Variants in PHLDB2 observed in about 807,000 individuals in gnomAD.
PHLDB2 encodes pleckstrin homology like domain family B member 2.
PHLDB2 carries 71 observed loss-of-function variants against 123.6 expected under a neutral mutation model. The ratio of observed to expected loss-of-function variants is 0.57; its 90% confidence interval spans 0.47 to 0.70. The LOEUF (loss-of-function observed/expected upper bound fraction) is 0.70, where lower values mean the gene tolerates loss of function less well. Among genes scored for constraint, PHLDB2 ranks in the 30% least tolerant of loss-of-function variants. The probability of loss-of-function intolerance (pLI) is 0.00; values close to 1 mark genes in which losing one functional copy is unlikely to be tolerated. For synonymous variants in PHLDB2, 547 were observed against 541.6 expected (o/e 1.01, Z -0.14); for missense variants, 1,446 against 1,519.5 (o/e 0.95, Z 0.80).
intron 1 of PHLDB2, among the ~76,000 whole-genome samples, chr3:111,838,047 T>TAAC (rs11468665): frequency 0.16 from 24,351 of 151,028 alleles, 2,076 homozygotes; most frequent in Admixed American, 0.18. Flanking sequence ...GTCTCAAAAA[T>TAAC]AACAACAACA....
chr3:111,800,281 C>T (rs767419430), intron 1 of PHLDB2, among the ~76,000 whole-genome samples: 5 of 152,184 alleles, frequency 3.3e-5, no homozygotes, highest in Non-Finnish European at 7.3e-5. Context: ...GCTGGGATTA[C>T]AGACGTGAGC....
In PHLDB2 at chr3:111,817,708, G is replaced by A. The variant is rs571591869; in HGVS notation, c.-48-28113G>A. ...GTTCCCCAGGTAGACATAGCCCAGC[G>A]TATGAAAATAGGCTCAGAATATCTA... is the stretch of plus-strand genomic sequence containing the variant. On this transcript the variant is annotated intron_variant, in intron 1 of 17. Transcript: ENST00000393923. 1.9e-3 allele frequency among the ~76,000 whole-genome samples: 289 copies of A among 152,238 alleles called. 5 individuals are homozygous for A. The South Asian group carries it at 0.027, about 14-fold the overall frequency.
Position 111,920,206 on chromosome 3 carries a change from A to G in PHLDB2, c.1864-76A>G, listed in dbSNP as rs979565482. 10 of 1,496,702 alleles carry G rather than the reference A, an allele frequency of 6.7e-6. No individual in the cohort carries two copies. The Admixed American group carries it at 2.2e-4, about 32-fold the overall frequency. 92.7% of individuals were successfully genotyped at this position (1,496,702 alleles called of 1,614,324 possible). ...ACTTTTGGAAATTTGTAGCTGTTGC[A>G]AATGTATCTCTAGGGTGGTCAGTTG... On this transcript the variant is annotated intron_variant, in intron 4 of 17. Coordinates refer to ENST00000431670, the MANE Select transcript of PHLDB2 (RefSeq NM_001134438.2).
chr3:111,874,004 A>G (rs1380526203), intron 1 of PHLDB2, among the ~76,000 whole-genome samples: 1 of 152,238 alleles, frequency 6.6e-6, no homozygotes, highest in East Asian at 1.9e-4. Context: ...GTTATAGAAA[A>G]TAATGATTTT....
chr3:111,909,133 A>G lies in PHLDB2; in HGVS notation c.1336-4186A>G, dbSNP rs548994432. 6.6e-5 allele frequency among the ~76,000 whole-genome samples: 10 copies of G among 152,126 alleles called. No homozygotes were observed. In the East Asian group the frequency reaches 1.9e-3, roughly 29 times the overall value. ...GTGCTTTTATGGAAATGCCCTGCCC[A>G]CCCCACTGTCCCAGTAGAGCAGACA... On this transcript the variant is annotated intron_variant, in intron 2 of 17. Transcript: ENST00000431670.
At chr3:111,802,883 T>C (rs886496344) in intron 1 of PHLDB2, among the ~76,000 whole-genome samples, 15 of 152,204 alleles carry the variant, frequency 9.9e-5, no homozygotes, top group Non-Finnish European at 1.3e-4. Flanking sequence ...TTAAAGGTTA[T>C]GGTCCTGCTC....
At chr3:111,755,715 G>C (rs1187130475) in intron 1 of PHLDB2, among the ~76,000 whole-genome samples, 3 of 120,924 alleles carry the variant, frequency 2.5e-5, no homozygotes, top group Non-Finnish European at 4.9e-5. Flanking sequence ...GTTTGCTCTT[G>C]CTTTTCTAGT....
chr3:111,798,346 G>A (rs1301618436), intron 1 of PHLDB2, among the ~76,000 whole-genome samples: 1 of 152,036 alleles, frequency 6.6e-6, no homozygotes, highest in Non-Finnish European at 1.5e-5. Context: ...TCTAAAGAAA[G>A]CAAGGAAATA....
At chr3:111,950,105 TTA>T (rs2070612163) in intron 10 of PHLDB2, among the ~76,000 whole-genome samples, 1 of 152,216 alleles carries the variant, frequency 6.6e-6, no homozygotes, top group African/African-American at 2.4e-5. Context: ...CTACTGGCTT[TTA>T]TATGTTTGAG....
intron 1 of PHLDB2, among the ~76,000 whole-genome samples, chr3:111,748,710 C>T (rs908398961): frequency 2.0e-5 from 3 of 151,778 alleles, no homozygotes; most frequent in Non-Finnish European, 2.9e-5. Context: ...TTAGTAAAGA[C>T]GGGGTTTCAC....
At chr3:111,751,702 G>A (rs1340225477) in intron 1 of PHLDB2, among the ~76,000 whole-genome samples, 1 of 130,060 alleles carries the variant, frequency 7.7e-6, no homozygotes, top group Non-Finnish European at 1.6e-5. Flanking sequence ...CTGGGGGGAG[G>A]GGGGAGGGAT....
chr3:111,884,056 C>A lies in PHLDB2; in HGVS notation c.-14-8C>A, dbSNP rs1185834493. 1 of 1,589,530 alleles carries A rather than the reference C, an allele frequency of 6.3e-7. No homozygotes were observed. The highest frequency in any genetic ancestry group is 1.2e-5 in the South Asian group (1 of 86,218). On this transcript the variant is annotated splice_region_variant and splice_polypyrimidine_tract_variant and intron_variant, in intron 1 of 17. Coordinates refer to ENST00000431670, the MANE Select transcript of PHLDB2 (RefSeq NM_001134438.2). ...TAAGGCAAAATTTTCTGTTTTATTT[C>A]TTTACAGATTCCAGCAAGATTATGG... is the stretch of plus-strand genomic sequence containing the variant.
At chr3:111,880,646 C>T (rs2107312325) in intron 1 of PHLDB2, among the ~76,000 whole-genome samples, 1 of 151,096 alleles carries the variant, frequency 6.6e-6, no homozygotes, top group South Asian at 2.1e-4. Context: ...TAAATCCTTG[C>T]TTCTCTTCCT....
chr3:111,974,156 T>C (rs1386826635), intron 17 of PHLDB2, among the ~76,000 whole-genome samples: 1 of 152,098 alleles, frequency 6.6e-6, no homozygotes, highest in African/African-American at 2.4e-5. Context: ...TTTATTAAAC[T>C]CCTACTCTCA....
Position 111,884,749 on chromosome 3 carries a change from T to C in PHLDB2, c.672T>C (p.Thr224=), listed in dbSNP as rs746222517. Residue 224 remains threonine (T), a synonymous_variant, in exon 2 of 18, where the codon ACT becomes ACC. Coordinates refer to ENST00000431670, the MANE Select transcript of PHLDB2 (RefSeq NM_001134438.2). ...GCCTGGCGCTTCAACCCAAGTTAAC[T>C]AGACACAAGGAGCTTGCATCTGAAA... is the stretch of plus-strand genomic sequence containing the variant. ...QDSLALQPKL[T]RHKELASENI... 6.2e-7 allele frequency: 1 copy of C among 1,614,042 alleles called. No homozygotes were observed. The highest frequency in any genetic ancestry group is 1.3e-5 in the African/African-American group (1 of 74,990).
At chr3:111,879,417 T>A (rs1576979308) in intron 1 of PHLDB2, among the ~76,000 whole-genome samples, 1 of 152,160 alleles carries the variant, frequency 6.6e-6, no homozygotes, top group African/African-American at 2.4e-5. Context: ...TATAGTCTTA[T>A]ATTTACTATT....
At chr3:111,972,537 T>C (rs970693644) in intron 16 of PHLDB2, among the ~76,000 whole-genome samples, 1 of 152,218 alleles carries the variant, frequency 6.6e-6, no homozygotes, top group African/African-American at 2.4e-5. Flanking sequence ...CTCTCGTTTT[T>C]AAGCCTTAAA....
At chr3:111,745,381 T>C (rs79637140) in intron 1 of PHLDB2, among the ~76,000 whole-genome samples, 6,728 of 152,274 alleles carry the variant, frequency 0.044, 218 homozygotes, top group Non-Finnish European at 0.066. Context: ...ATTAATTGCA[T>C]GTGTTATTTC....
rs142596980 is a variant in PHLDB2 at position 111,884,731 on chromosome 3, G to C, written c.654G>C (p.Ala218=). The change falls in exon 2 of 18, where the codon GCG becomes GCC. Residue 218 remains alanine (A), a synonymous_variant. Coordinates refer to ENST00000431670, the MANE Select transcript of PHLDB2 (RefSeq NM_001134438.2). The part of the protein sequence containing the change: ...ARKMSIQDSL[A]LQPKLTRHKE... The stretch of plus-strand genomic sequence containing the variant: ...AAATGAGCATTCAGGACAGCCTGGC[G>C]CTTCAACCCAAGTTAACTAGACACA... The C allele has an allele frequency of 6.2e-7, 1 of 1,614,060 alleles. No homozygotes were observed.
Sources: gnomAD v4.1 joint callset for allele counts (sites outside exome capture counted in the v4.1 genomes callset) on GRCh38, gnomAD v4.1.1 for gene constraint, MANE v1.5 for transcripts, NCBI Gene and HGNC (gene_info 2026-07-23, HGNC 2026-07-21) for gene names.